Variants in CRADD observed in about 807,000 individuals in gnomAD.
CRADD encodes death domain-containing protein CRADD.
CRADD carries 9 observed loss-of-function variants against 15.5 expected under a neutral mutation model. The observed-to-expected ratio is 0.58, with a 90% CI of 0.35 to 1.01. The LOEUF (loss-of-function observed/expected upper bound fraction) is 1.01. CRADD is among the 50% of genes least tolerant of loss of function. CRADD has a pLI of 0.02. For missense variants in CRADD, 227 were observed against 250.3 expected, an observed-to-expected ratio of 0.91 and a Z score of 0.63; for synonymous variants, 118 against 107.6, an observed-to-expected ratio of 1.10 and a Z score of -0.60.
chr12:93,872,124 T>A (rs1958425993), intron 2 of CRADD, among the ~76,000 whole-genome samples: 1 of 152,214 alleles, frequency 6.6e-6, no homozygotes. Context: ...TGAGATGATA[T>A]CTCATTGTAG....
At chr12:93,756,416 A>G (rs1205511752) in intron 2 of CRADD, among the ~76,000 whole-genome samples, 5 of 152,246 alleles carry the variant, frequency 3.3e-5, no homozygotes, top group Non-Finnish European at 7.3e-5. Context: ...ATTTTGTTGT[A>G]AGACTTAGGC....
At chr12:93,851,702 G>T (rs2137051771), downstream of CRADD, among the ~76,000 whole-genome samples, 1 of 152,276 alleles carries the variant, frequency 6.6e-6, no homozygotes, top group South Asian at 2.1e-4. Flanking sequence ...AATGGGATTT[G>T]ATTTTATAAA....
At chr12:93,771,944 G>A (rs1437407172) in intron 2 of CRADD, among the ~76,000 whole-genome samples, 1 of 152,196 alleles carries the variant, frequency 6.6e-6, no homozygotes, top group Non-Finnish European at 1.5e-5. Flanking sequence ...AACAGTGAAA[G>A]TTATACCATA....
chr12:93,796,699 T>C (rs1399667562), intron 2 of CRADD, among the ~76,000 whole-genome samples: 2 of 152,162 alleles, frequency 1.3e-5, no homozygotes, highest in Admixed American at 1.3e-4. Flanking sequence ...GGCTAGACTT[T>C]TCCTTGTCAA....
Position 93,894,404 on chromosome 12 carries a change from C to T in CRADD, c.*287C>T, listed in dbSNP as rs1042998471. 1.4e-5 allele frequency: 6 copies of T among 440,534 alleles called. No homozygotes were observed. The Admixed American group carries it at 2.0e-4, about 15-fold the overall frequency. 27.3% of individuals were successfully genotyped at this position (440,534 alleles called of 1,614,324 possible). ...TGTCAATGGTGCAGAGGGTGAGAAGCCCTGGTCTATACAGAGCTCAGCAGT... is the reference window on the plus strand; with the variant it reads ...TGTCAATGGTGCAGAGGGTGAGAAGTCCTGGTCTATACAGAGCTCAGCAGT... On this transcript the variant is annotated 3_prime_UTR_variant, in exon 3 of 3. Transcript: ENST00000548483.
chr12:93,806,123 G>A (rs920342835), intron 2 of CRADD, among the ~76,000 whole-genome samples: 1 of 152,082 alleles, frequency 6.6e-6, no homozygotes, highest in Non-Finnish European at 1.5e-5. Context: ...GAAAATGTCA[G>A]TTACCATGAG....
At chr12:93,781,605 T>G (rs983866842) in intron 2 of CRADD, among the ~76,000 whole-genome samples, 3 of 152,236 alleles carry the variant, frequency 2.0e-5, no homozygotes, top group African/African-American at 4.8e-5. Flanking sequence ...GAACGTTAGT[T>G]ATGCTCCTCC....
At chr12:93,807,654 T>G (rs1957554967) in intron 2 of CRADD, among the ~76,000 whole-genome samples, 1 of 151,764 alleles carries the variant, frequency 6.6e-6, no homozygotes, top group Non-Finnish European at 1.5e-5. Context: ...CTATGAGAGG[T>G]AGAGATAAAT....
At chr12:93,775,745 G>T (rs1273443429) in intron 2 of CRADD, among the ~76,000 whole-genome samples, 1 of 152,160 alleles carries the variant, frequency 6.6e-6, no homozygotes, top group African/African-American at 2.4e-5. Context: ...AGTCAGGGTT[G>T]CCAGGGGTCG....
At chr12:93,726,664 AG>A (rs1956372801) in intron 2 of CRADD, among the ~76,000 whole-genome samples, 1 of 152,214 alleles carries the variant, frequency 6.6e-6, no homozygotes, top group Non-Finnish European at 1.5e-5. Flanking sequence ...TGAAGTATAA[AG>A]AACCACAATT....
At chr12:93,727,797 C>T (rs1956395503) in intron 2 of CRADD, among the ~76,000 whole-genome samples, 1 of 152,170 alleles carries the variant, frequency 6.6e-6, no homozygotes, top group Admixed American at 6.5e-5. Flanking sequence ...GCAGGGTGCA[C>T]TCAGCACTGT....
chr12:93,834,384 T>C (rs560891181), intron 2 of CRADD, among the ~76,000 whole-genome samples: 1 of 152,372 alleles, frequency 6.6e-6, no homozygotes, highest in Non-Finnish European at 1.5e-5. Flanking sequence ...GTCAAGTATA[T>C]AATATTTACA....
chr12:93,709,736 G>T (rs970777748), intron 2 of CRADD, among the ~76,000 whole-genome samples: 2 of 152,160 alleles, frequency 1.3e-5, no homozygotes, highest in African/African-American at 4.8e-5. Flanking sequence ...ATGTGTGTGT[G>T]TCTTTATGGT....
intron 2 of CRADD, among the ~76,000 whole-genome samples, chr12:93,686,321 A>G (rs933924891): frequency 7.3e-5 from 11 of 151,152 alleles, no homozygotes; most frequent in Admixed American, 2.6e-4. Flanking sequence ...AAAAAAAAAA[A>G]AAAAGAAAAG....
At chr12:93,889,273 G>C (rs1423131242) in intron 2 of CRADD, among the ~76,000 whole-genome samples, 1 of 152,036 alleles carries the variant, frequency 6.6e-6, no homozygotes, top group Non-Finnish European at 1.5e-5. Context: ...AGGGCTAGTG[G>C]GTGAGGTACA....
At chr12:93,721,677 C>T (rs1956267700) in intron 2 of CRADD, among the ~76,000 whole-genome samples, 2 of 152,048 alleles carry the variant, frequency 1.3e-5, no homozygotes, top group South Asian at 2.1e-4. Flanking sequence ...ATTTAAAGTA[C>T]ATAAGATGAT....
At chr12:93,870,438 T>C (rs1958408495) in intron 2 of CRADD, among the ~76,000 whole-genome samples, 1 of 152,154 alleles carries the variant, frequency 6.6e-6, no homozygotes, top group Non-Finnish European at 1.5e-5. Context: ...GTTCCCAGTC[T>C]GGGGCTACAG....
intron 2 of CRADD, among the ~76,000 whole-genome samples, chr12:93,710,822 G>A (rs963132730): frequency 1.3e-5 from 2 of 152,154 alleles, no homozygotes; most frequent in Non-Finnish European, 2.9e-5. Context: ...TAGTGGTGAA[G>A]TTTGCTGACA....
At chr12:93,840,482 A>G (rs916877622) in intron 2 of CRADD, among the ~76,000 whole-genome samples, 4 of 152,082 alleles carry the variant, frequency 2.6e-5, no homozygotes, top group Non-Finnish European at 5.9e-5. Context: ...TTTTCTATGT[A>G]TTAGGTCATA....
Sources: gnomAD v4.1 joint callset for allele counts (sites outside exome capture counted in the v4.1 genomes callset) on GRCh38, gnomAD v4.1.1 for gene constraint, MANE v1.5 for transcripts, NCBI Gene and HGNC (gene_info 2026-07-23, HGNC 2026-07-21) for gene names.